Variants in FAM91A1 observed in about 807,000 individuals in gnomAD.
FAM91A1 encodes the protein protein FAM91A1.
Under a neutral mutation model 113.5 loss-of-function variants are expected in FAM91A1, and 41 were observed. The ratio of observed to expected loss-of-function variants is 0.36; its 90% confidence interval spans 0.28 to 0.47. FAM91A1 has a LOEUF of 0.47. Among genes scored for constraint, FAM91A1 ranks in the 20% least tolerant of loss-of-function variants. FAM91A1 has a pLI of 1.00. For missense variants in FAM91A1, 696 were observed against 1,001.2 expected, an observed-to-expected ratio of 0.70 and a Z score of 4.11; for synonymous variants, 307 against 347.9, an observed-to-expected ratio of 0.88 and a Z score of 1.31.
intron 11 of FAM91A1, 42 bp downstream of exon 11, chr8:123,785,783 T>C (rs1195694480): frequency 5.3e-6 from 6 of 1,121,600 alleles, no homozygotes; most frequent in Non-Finnish European, 7.6e-6. Context: ...GAGTTTCCTT[T>C]TGAAAAGACA....
At chr8:123,790,129 A>G (rs552337903) in intron 15 of FAM91A1, among the ~76,000 whole-genome samples, 3 of 152,358 alleles carry the variant, frequency 2.0e-5, no homozygotes, top group African/African-American at 7.2e-5. Flanking sequence ...TGAAAAGAAT[A>G]AAGAGGAGCC....
At chr8:123,794,527 T>C (rs1815461402) in intron 15 of FAM91A1, among the ~76,000 whole-genome samples, 1 of 152,218 alleles carries the variant, frequency 6.6e-6, no homozygotes, top group South Asian at 2.1e-4. Context: ...ACTACTGTAA[T>C]AATTTTGTAG....
At position 123,775,417 on chromosome 8, in the gene FAM91A1, A is replaced by G. The variant is rs1036879243; in HGVS notation, c.309+119A>G. 4.1e-5 allele frequency: 51 copies of G among 1,251,920 alleles called. No individual in the cohort carries two copies. In the African/African-American group the frequency reaches 6.6e-4, roughly 16 times the overall value. 77.6% of individuals were successfully genotyped at this position (1,251,920 alleles called of 1,614,324 possible). A position where few individuals can be genotyped will look rare whatever the true frequency, so the allele number is the denominator to read the frequency against. On this transcript the variant is annotated intron_variant, in intron 3 of 23. Coordinates refer to ENST00000334705, the MANE Select transcript of FAM91A1 (RefSeq NM_144963.4). Reference sequence around the variant, plus strand: ...TGCGGTGGACACTCTTTCAGAACTTATAGTGTAAAAAGGACTATTGGTGGC... The same window carrying G: ...TGCGGTGGACACTCTTTCAGAACTTGTAGTGTAAAAAGGACTATTGGTGGC...
At position 123,799,867 on chromosome 8, in the gene FAM91A1, T is replaced by G. The variant is rs1815632805; in HGVS notation, c.1791T>G (p.His597Gln). The change falls in exon 18 of 24, where the codon CAT becomes CAG. Residue 597 changes from histidine (H) to glutamine (Q), a missense_variant. Physicochemically the swap from His to Gln is conservative, Grantham distance 24. Transcript: ENST00000334705. ...CGATGTTGAATGATGCTTTAACACA[T>G]TCTGCAGTTTTAATTCAGGTACATT... Reference protein sequence around the residue: ...VLTMLNDALTHSAVLIQGHGL... With the variant: ...VLTMLNDALTQSAVLIQGHGL... 1 of 1,591,856 alleles carries G rather than the reference T, an allele frequency of 6.3e-7. No individual in the cohort carries two copies. Among genetic ancestry groups the G allele is most frequent in the Non-Finnish European group, 8.6e-7 (1 of 1,165,264 alleles).
intron 8 of FAM91A1, among the ~76,000 whole-genome samples, chr8:123,783,167 C>A (rs553102545): frequency 1.3e-5 from 2 of 152,020 alleles, no homozygotes; most frequent in African/African-American, 4.8e-5. Flanking sequence ...CAGAGTGAGA[C>A]CCTGTCTCAA....
At chr8:123,769,138 G>C (rs141775334) in intron 1 of FAM91A1, among the ~76,000 whole-genome samples, 1 of 152,218 alleles carries the variant, frequency 6.6e-6, no homozygotes, top group Non-Finnish European at 1.5e-5. Context: ...GATACAGGAT[G>C]ATAGCAGCTC....
intron 23 of FAM91A1, chr8:123,810,571 T>C (rs760599220): frequency 6.6e-6 from 4 of 610,138 alleles, no homozygotes; most frequent in South Asian, 2.0e-5. Flanking sequence ...TCTGTGCCAG[T>C]GCTTTATTCA....
At chr8:123,774,191 GT>G in intron 2 of FAM91A1, 27 bp downstream of exon 2, 1 of 1,531,964 alleles carries the variant, frequency 6.5e-7, no homozygotes, top group Non-Finnish European at 8.9e-7. Context: ...TTATATTGGG[GT>G]GGAACTGACC....
chr8:123,780,583 T>G, intron 8 of FAM91A1, 41 bp downstream of exon 8: 1 of 1,516,434 alleles, frequency 6.6e-7, no homozygotes, highest in Non-Finnish European at 9.1e-7. Flanking sequence ...TTTGAATGGA[T>G]ATCAGGTGCT....
chr8:123,791,729 G>A (rs1815389946), intron 15 of FAM91A1, among the ~76,000 whole-genome samples: 1 of 152,164 alleles, frequency 6.6e-6, no homozygotes, highest in South Asian at 2.1e-4. Context: ...TCTAATGATG[G>A]TGCACATTAG....
At chr8:123,789,490 T>A in intron 14 of FAM91A1, 123 bp from the exon 15 acceptor site, 1 of 1,425,830 alleles carries the variant, frequency 7.0e-7, no homozygotes, top group Non-Finnish European at 9.6e-7. Flanking sequence ...GTTTCGGTAT[T>A]GCCTGGGCAA....
At chr8:123,805,009 C>G (rs1274943531) in intron 18 of FAM91A1, among the ~76,000 whole-genome samples, 2 of 152,184 alleles carry the variant, frequency 1.3e-5, no homozygotes, top group Non-Finnish European at 2.9e-5. Context: ...ACTTGGCTAA[C>G]ACCTGATTTG....
intron 20 of FAM91A1, among the ~76,000 whole-genome samples, 166 bp downstream of exon 20, chr8:123,806,395 T>G (rs1269338359): frequency 6.6e-6 from 1 of 152,194 alleles, no homozygotes; most frequent in Non-Finnish European, 1.5e-5. Flanking sequence ...TTTGGACAAA[T>G]GTCAGTTGTT....
intron 18 of FAM91A1, among the ~76,000 whole-genome samples, chr8:123,800,986 T>C (rs1586391019): frequency 6.6e-6 from 1 of 152,222 alleles, no homozygotes; most frequent in East Asian, 1.9e-4. Flanking sequence ...GTCATAAACA[T>C]TTGTGTACAA....
rs149341051 is a variant in FAM91A1 at position 123,782,085 on chromosome 8, A to G, written c.703+1543A>G. Among the ~76,000 whole-genome samples the G allele has an allele frequency of 3.9e-5, 6 of 152,380 alleles. No homozygotes were observed. In the East Asian group the frequency reaches 5.8e-4, roughly 15 times the overall value. Reference sequence around the variant, plus strand: ...GTCCAGTTTGACTGTCAGTTTGAACATTGACTCACATTAGAGTAACTTTTA... The same window carrying G: ...GTCCAGTTTGACTGTCAGTTTGAACGTTGACTCACATTAGAGTAACTTTTA... On this transcript the variant is annotated intron_variant, in intron 8 of 23. Coordinates refer to ENST00000334705, the MANE Select transcript of FAM91A1 (RefSeq NM_144963.4).
Position 123,784,480 on chromosome 8 carries a change from T to C in FAM91A1, c.714T>C (p.Leu238=). Residue 238 remains leucine (L), a synonymous_variant, in exon 9 of 24, where the codon CTT becomes CTC. Transcript: ENST00000334705. ...TTCTGTTTGTTTTAGTTCCACCTCT[T>C]GAAGGTTTTGTAATGAATCGAGTGC... is the stretch of plus-strand genomic sequence containing the variant. ...SDDSCIAVPP[L]EGFVMNRVQG... 2 of 1,601,942 alleles carry C rather than the reference T, an allele frequency of 1.2e-6. No individual in the cohort carries two copies. The highest frequency in any genetic ancestry group is 2.3e-5 in the East Asian group (1 of 44,094).
chr8:123,794,411 A>C (rs2130116188), intron 15 of FAM91A1, among the ~76,000 whole-genome samples: 1 of 152,348 alleles, frequency 6.6e-6, no homozygotes, highest in East Asian at 1.9e-4. Flanking sequence ...CTTAATGCAC[A>C]CATTTACAGA....
chr8:123,788,304 T>A, intron 14 of FAM91A1: 1 of 909,270 alleles, frequency 1.1e-6, no homozygotes, highest in Non-Finnish European at 1.3e-6. Flanking sequence ...CCTTTATTGG[T>A]GTTTTTCATT....
intron 18 of FAM91A1, among the ~76,000 whole-genome samples, chr8:123,804,550 C>T (rs1815760814): frequency 6.8e-6 from 1 of 147,718 alleles, no homozygotes; most frequent in African/African-American, 2.5e-5. Flanking sequence ...TATCACTCCC[C>T]TGCTAACCCT....
Sources: allele counts gnomAD v4.1 joint callset (sites outside exome capture counted in the v4.1 genomes callset), GRCh38; gene constraint gnomAD v4.1.1; transcripts MANE v1.5; gene names NCBI Gene and HGNC (gene_info 2026-07-23, HGNC 2026-07-21).